GPR149: variants seen among roughly 807,000 people sequenced by gnomAD.
The protein encoded by GPR149 is probable G protein-coupled receptor 149.
In GPR149, 50 loss-of-function variants were observed where a neutral mutation model predicts 50.2. The ratio of observed to expected loss-of-function variants is 1.00; its 90% CI spans 0.79 to 1.26. The LOEUF (loss-of-function observed/expected upper bound fraction) is 1.26, where lower values mean the gene tolerates loss of function less well. Ranked by LOEUF, GPR149 falls within the 50% of genes most tolerant of loss-of-function variation. The pLI, the probability that GPR149 is intolerant of heterozygous loss-of-function variation, is 0.00. For synonymous variants in GPR149, 405 were observed against 358.2 expected, an observed-to-expected ratio of 1.13 and a Z score of -1.48; for missense variants, 983 against 895.4, an observed-to-expected ratio of 1.10 and a Z score of -1.25.
At chr3:154,406,036 A>G (rs1161902764) in intron 3 of GPR149, among the ~76,000 whole-genome samples, 1 of 152,078 alleles carries the variant, frequency 6.6e-6, no homozygotes, top group East Asian at 1.9e-4. Flanking sequence ...ATGAAGAACT[A>G]ATATTTCTAA....
Position 154,427,628 on chromosome 3 carries a change from G to A in GPR149, c.1062C>T (p.Ala354=). ...AGACAAACACTGGGGTTACAGTGGT[G>A]GCCAGCAGGGTAAGTAGAAAGCTGA... The part of the protein sequence containing the change: ...ETFSFLLTLL[A]TTVTPVFVLS... Residue 354 remains alanine (A), a synonymous_variant, in exon 2 of 4, where the codon GCC becomes GCT. Coordinates refer to ENST00000389740, the MANE Select transcript of GPR149 (RefSeq NM_001038705.3). 1 of 1,614,188 alleles carries A rather than the reference G, an allele frequency of 6.2e-7. No individual in the cohort carries two copies. Among genetic ancestry groups the A allele is most frequent in the Non-Finnish European group, 8.5e-7 (1 of 1,180,014 alleles).
At chr3:154,407,568 G>A (rs1169779329) in intron 3 of GPR149, among the ~76,000 whole-genome samples, 1 of 151,972 alleles carries the variant, frequency 6.6e-6, no homozygotes, top group African/African-American at 2.4e-5. Context: ...GTAGTTGATT[G>A]GAATTGGAGG....
Position 154,403,521 on chromosome 3 carries a change from G to A in GPR149, c.1623+17518C>T, listed in dbSNP as rs189424822. On this transcript the variant is annotated intron_variant, in intron 3 of 3. Transcript: ENST00000389740. ...TAGAGGTAGAACCAGATTTCAAGGG[G>A]CTTGAAAGCATATATAGCTTTGTTC... is the stretch of plus-strand genomic sequence containing the variant. 2.1e-3 allele frequency among the ~76,000 whole-genome samples: 323 copies of A among 152,162 alleles called. 1 individual carries two copies. Among genetic ancestry groups the A allele is most frequent in the African/African-American group, 7.1e-3 (296 of 41,512 alleles).
intron 3 of GPR149, among the ~76,000 whole-genome samples, chr3:154,362,998 C>T (rs1714449711): frequency 6.6e-6 from 1 of 152,098 alleles, no homozygotes; most frequent in Admixed American, 6.6e-5. Flanking sequence ...GAAGACTCCT[C>T]TAAGAAGAAT....
intron 3 of GPR149, among the ~76,000 whole-genome samples, chr3:154,372,743 CAT>C (rs1351782004): frequency 1.3e-5 from 2 of 152,074 alleles, no homozygotes; most frequent in African/African-American, 4.8e-5. Flanking sequence ...TATATCAAGA[CAT>C]ATTTAGGTTG....
chr3:154,369,654 G>A (rs1487045270), intron 3 of GPR149, among the ~76,000 whole-genome samples: 1 of 152,224 alleles, frequency 6.6e-6, no homozygotes, highest in Non-Finnish European at 1.5e-5. Context: ...GAGAATTTGG[G>A]CCCATTCACG....
chr3:154,344,442 GTTTAA>G (rs1713876386), intron 3 of GPR149, among the ~76,000 whole-genome samples: 1 of 152,152 alleles, frequency 6.6e-6, no homozygotes, highest in South Asian at 2.1e-4. Context: ...GTTAATATTG[GTTTAA>G]TTTATGTTCA....
chr3:154,414,080 C>T (rs895051754), intron 3 of GPR149, among the ~76,000 whole-genome samples: 9 of 151,756 alleles, frequency 5.9e-5, no homozygotes, highest in African/African-American at 1.9e-4. Flanking sequence ...AAACATCATA[C>T]GTTCTCATTC....
intron 3 of GPR149, among the ~76,000 whole-genome samples, chr3:154,398,751 A>T (rs961995577): frequency 7.2e-5 from 11 of 152,212 alleles, no homozygotes; most frequent in Non-Finnish European, 1.5e-4. Context: ...GACTCATTTC[A>T]TCAATGTAGG....
Position 154,335,898 on chromosome 3 carries a change from C to T in GPR149, c.*1801G>A, listed in dbSNP as rs1376621370. ...CACCTTTCTCTTTCAGAAAATTATA[C>T]ATCTAAGTTTAAGATATCAAAGCCT... On this transcript the variant is annotated 3_prime_UTR_variant, in exon 4 of 4. Coordinates refer to ENST00000389740, the MANE Select transcript of GPR149 (RefSeq NM_001038705.3). 6.6e-6 allele frequency: 1 copy of T among 152,076 alleles called. No homozygotes were observed. Among genetic ancestry groups the T allele is most frequent in the Non-Finnish European group, 1.5e-5 (1 of 67,934 alleles). The allele number at this position is 152,076 out of a possible 1,614,324, so 9.4% of individuals were successfully genotyped here.
At chr3:154,391,239 C>T (rs1715162077) in intron 3 of GPR149, among the ~76,000 whole-genome samples, 1 of 148,248 alleles carries the variant, frequency 6.7e-6, no homozygotes, top group South Asian at 2.1e-4. Flanking sequence ...TAATTATAAC[C>T]ATAAAATGTG....
intron 3 of GPR149, among the ~76,000 whole-genome samples, chr3:154,406,183 A>G (rs1711681021): frequency 1.3e-5 from 2 of 152,164 alleles, no homozygotes. Flanking sequence ...GCTTGCTCAC[A>G]ATTAGATAAG....
intron 3 of GPR149, among the ~76,000 whole-genome samples, chr3:154,407,711 C>CACACACACACACAT: frequency 6.6e-6 from 1 of 151,692 alleles, no homozygotes; most frequent in South Asian, 2.1e-4. Context: ...CACACACACA[C>CACACACACACACAT]ACACACACAT....
chr3:154,399,085 C>T (rs1284061891), intron 3 of GPR149, among the ~76,000 whole-genome samples: 1 of 152,140 alleles, frequency 6.6e-6, no homozygotes, highest in East Asian at 1.9e-4. Flanking sequence ...AAATGCTAGT[C>T]CCAACCTGCT....
chr3:154,393,620 A>G (rs1209292116), intron 3 of GPR149, among the ~76,000 whole-genome samples: 1 of 152,014 alleles, frequency 6.6e-6, no homozygotes, highest in Non-Finnish European at 1.5e-5. Flanking sequence ...TGAGAAAGAA[A>G]AAGTTAAAGT....
intron 3 of GPR149, among the ~76,000 whole-genome samples, chr3:154,349,646 A>T (rs1008586843): frequency 2.0e-5 from 3 of 152,212 alleles, no homozygotes; most frequent in African/African-American, 7.2e-5. Context: ...TCTCTGGAGA[A>T]CTCTAGCAAA....
At chr3:154,419,061 A>T (rs1293912845) in intron 3 of GPR149, among the ~76,000 whole-genome samples, 2 of 152,012 alleles carry the variant, frequency 1.3e-5, no homozygotes, top group African/African-American at 4.8e-5. Context: ...CCTTTCCAGA[A>T]TATTGTATTA....
At chr3:154,406,721 C>T (rs1429702296) in intron 3 of GPR149, among the ~76,000 whole-genome samples, 1 of 151,984 alleles carries the variant, frequency 6.6e-6, no homozygotes, top group Non-Finnish European at 1.5e-5. Context: ...AATACAGGAA[C>T]GTTAAACCAT....
At chr3:154,426,036 T>A (rs1712283142) in intron 2 of GPR149, among the ~76,000 whole-genome samples, 1 of 152,172 alleles carries the variant, frequency 6.6e-6, no homozygotes. Flanking sequence ...AGTGGCAAAA[T>A]GCTAAGATTT....
Sources: allele counts gnomAD v4.1 joint callset (sites outside exome capture counted in the v4.1 genomes callset), GRCh38; gene constraint gnomAD v4.1.1; transcripts MANE v1.5; gene names NCBI Gene and HGNC (gene_info 2026-07-23, HGNC 2026-07-21).